The following LRBA variants were observed in gnomAD, a reference collection of about 807,000 sequenced individuals.
The protein encoded by LRBA is LPS responsive beige-like anchor protein, also known as lipopolysaccharide-responsive and beige-like anchor protein.
In LRBA, 176 loss-of-function variants were observed where a neutral mutation model predicts 330.0. The ratio of observed to expected loss-of-function variants is 0.53; its 90% confidence interval spans 0.47 to 0.60. The LOEUF (loss-of-function observed/expected upper bound fraction) is 0.60. LRBA is among the 20% of genes least tolerant of loss of function. The pLI is 0.00. For synonymous variants in LRBA, 1,230 were observed against 1,193.0 expected, an observed-to-expected ratio of 1.03 and a Z score of -0.64; for missense variants, 3,259 against 3,444.8, an observed-to-expected ratio of 0.95 and a Z score of 1.35.
intron 2 of LRBA, among the ~76,000 whole-genome samples, chr4:150,938,693 G>T (rs928775650): frequency 2.0e-5 from 3 of 152,180 alleles, no homozygotes; most frequent in Non-Finnish European, 4.4e-5. Flanking sequence ...AGCTACAGTA[G>T]CCATCCTGGA....
intron 36 of LRBA, among the ~76,000 whole-genome samples, chr4:150,693,407 C>CA (rs897720823): frequency 6.0e-5 from 9 of 150,148 alleles, no homozygotes; most frequent in African/African-American, 2.0e-4. Context: ...ACTAAAAATA[C>CA]AAAAAAATTA....
chr4:150,886,256 T>C (rs1392032581), intron 17 of LRBA, among the ~76,000 whole-genome samples: 1 of 152,190 alleles, frequency 6.6e-6, no homozygotes, highest in African/African-American at 2.4e-5. Flanking sequence ...GTTTCAGGGC[T>C]GGATGTCAGA....
intron 37 of LRBA, among the ~76,000 whole-genome samples, chr4:150,673,197 T>C (rs1006321157): frequency 1.3e-5 from 2 of 152,216 alleles, no homozygotes; most frequent in Admixed American, 1.3e-4. Flanking sequence ...CTGTATCAGA[T>C]ATTTTGAAGG....
At chr4:150,728,806 C>T (rs747166078) in intron 36 of LRBA, among the ~76,000 whole-genome samples, 7 of 152,168 alleles carry the variant, frequency 4.6e-5, no homozygotes, top group Non-Finnish European at 5.9e-5. Flanking sequence ...AGAACATGTA[C>T]TTTCACCACT....
intron 2 of LRBA, among the ~76,000 whole-genome samples, chr4:150,982,009 T>C (rs1274562753): frequency 6.7e-6 from 1 of 149,622 alleles, no homozygotes; most frequent in Non-Finnish European, 1.5e-5. Context: ...TAATAAATAA[T>C]GTTTTCTGTT....
chr4:150,305,020 T>C (rs898986772), intron 52 of LRBA, among the ~76,000 whole-genome samples: 12 of 152,190 alleles, frequency 7.9e-5, no homozygotes, highest in African/African-American at 2.9e-4. Context: ...ATAGGTGTGA[T>C]TTAAATAGAT....
At chr4:150,707,105 A>C (rs1482423193) in intron 36 of LRBA, among the ~76,000 whole-genome samples, 1 of 151,784 alleles carries the variant, frequency 6.6e-6, no homozygotes, top group Admixed American at 6.6e-5. Flanking sequence ...TTGAGTGCAT[A>C]TGCATAAAGA....
At chr4:150,702,407 T>C (rs1785204678) in intron 36 of LRBA, among the ~76,000 whole-genome samples, 1 of 152,154 alleles carries the variant, frequency 6.6e-6, no homozygotes. Context: ...ATATTCAAGG[T>C]GTAGTTTCAA....
intron 44 of LRBA, among the ~76,000 whole-genome samples, chr4:150,445,377 C>CTCTCTCTCTCTCTCTCTCTCTATA (rs1454079183): frequency 1.3e-5 from 1 of 78,606 alleles, no homozygotes; most frequent in Non-Finnish European, 2.5e-5. Flanking sequence ...CTCTCTCTCT[C>CTCTCTCTCTCTCTCTCTCTCTATA]TATATATATA....
chr4:150,794,898 C>T (rs1046322086), intron 34 of LRBA, among the ~76,000 whole-genome samples: 2 of 152,124 alleles, frequency 1.3e-5, no homozygotes, highest in Non-Finnish European at 2.9e-5. Flanking sequence ...AATGCAGCTA[C>T]CACAAGATTT....
At chr4:150,730,804 G>A (rs1360358524) in intron 36 of LRBA, among the ~76,000 whole-genome samples, 1 of 151,896 alleles carries the variant, frequency 6.6e-6, no homozygotes, top group Non-Finnish European at 1.5e-5. Context: ...GATCACTTGA[G>A]GCCAGGAGTT....
chr4:150,674,944 G>A (rs190705633), intron 37 of LRBA, among the ~76,000 whole-genome samples: 1 of 151,916 alleles, frequency 6.6e-6, no homozygotes. Context: ...TTGACTGGGT[G>A]TAATGGCTCA....
chr4:150,970,576 C>A (rs1466811061), intron 2 of LRBA: 1 of 146,342 alleles, frequency 6.8e-6, no homozygotes, highest in Non-Finnish European at 1.5e-5. Context: ...CACACACACA[C>A]ACACACACAC....
chr4:150,599,030 G>A lies in LRBA; in HGVS notation c.6023C>T (p.Thr2008Ile). ...ACCATGTTCCACGGCTGTTTTTAGT[G>A]TCGCTTCAGGATGTGTCGATCCTAG... is the stretch of plus-strand genomic sequence containing the variant. The part of the protein sequence containing the change: ...NPLGSTHPEA[T>I]LKTAVEHATD... The change falls in exon 38 of 57, where the codon ACA (threonine) becomes ATA (isoleucine). Residue 2008 changes from threonine to isoleucine, a missense_variant. Coordinates refer to ENST00000651943, the MANE Select transcript of LRBA (RefSeq NM_001364905.1). 6.2e-7 allele frequency: 1 copy of A among 1,614,026 alleles called. No homozygotes were observed. Among genetic ancestry groups the A allele is most frequent in the South Asian group, 1.1e-5 (1 of 91,078 alleles).
At chr4:150,776,727 T>C (rs1299655459) in intron 34 of LRBA, among the ~76,000 whole-genome samples, 1 of 151,980 alleles carries the variant, frequency 6.6e-6, no homozygotes, top group Non-Finnish European at 1.5e-5. Context: ...GCAGTATTGT[T>C]TGAACCCAGG....
chr4:150,328,643 T>C (rs1007329124), intron 48 of LRBA, among the ~76,000 whole-genome samples: 10 of 151,954 alleles, frequency 6.6e-5, no homozygotes, highest in African/African-American at 2.4e-4. Context: ...TGAAAATACA[T>C]GAGACCCAGA....
intron 37 of LRBA, among the ~76,000 whole-genome samples, chr4:150,610,040 C>T (rs533209700): frequency 1.3e-5 from 2 of 152,180 alleles, no homozygotes; most frequent in East Asian, 3.9e-4. Context: ...ACCAGATTTT[C>T]ACCTGATTGT....
chr4:150,658,950 C>T lies in LRBA; in HGVS notation c.5921+24601G>A, dbSNP rs1438439880. Among the ~76,000 whole-genome samples the T allele has an allele frequency of 6.9e-3, 464 of 67,474 alleles. 11 individuals are homozygous for T. The highest frequency in any genetic ancestry group is 0.015 in the African/African-American group (419 of 27,940). The allele number at this position is 67,474 out of a possible 152,430, so 44.3% of individuals were successfully genotyped here. ...GCCGGGCCGGTCTCCAGCCCCTAAC[C>T]GCGAGTGATCCGCCAACCTCGGCCT... On this transcript the variant is annotated intron_variant, in intron 37 of 56. Transcript: ENST00000651943.
At chr4:150,910,792 G>T (rs1731904750) in intron 9 of LRBA, among the ~76,000 whole-genome samples, 1 of 152,074 alleles carries the variant, frequency 6.6e-6, no homozygotes, top group Admixed American at 6.6e-5. Context: ...TCTTCCAAGG[G>T]ATGTCTTTAC....
Sources: gnomAD v4.1 joint callset for allele counts (sites outside exome capture counted in the v4.1 genomes callset) on GRCh38, gnomAD v4.1.1 for gene constraint, MANE v1.5 for transcripts, NCBI Gene and HGNC (gene_info 2026-07-23, HGNC 2026-07-21) for gene names.